PLPPR5: variants seen among roughly 807,000 people sequenced by gnomAD.
PLPPR5 encodes the protein phospholipid phosphatase-related protein type 5.
In PLPPR5, 16 loss-of-function variants were observed where a neutral mutation model predicts 33.9. The observed-to-expected ratio is 0.47, with a 90% confidence interval of 0.32 to 0.72. The LOEUF (loss-of-function observed/expected upper bound fraction) is 0.72, where lower values mean the gene tolerates loss of function less well. PLPPR5 is among the 30% of genes least tolerant of loss of function. The pLI, the probability that PLPPR5 is intolerant of heterozygous loss-of-function variation, is 0.03. For missense variants in PLPPR5, 301 were observed against 406.7 expected (o/e 0.74, Z 2.23); for synonymous variants, 163 against 150.3 (o/e 1.08, Z -0.62).
At chr1:98,953,355 TTGTGTGTGTGTGTG>T (rs58092870) in intron 2 of PLPPR5, 35 bp from the exon 3 acceptor site, 3,373 of 1,368,884 alleles carry the variant, frequency 2.5e-3, no homozygotes, top group East Asian at 0.01. Context: ...AACTTCTTGC[TTGTGTGTGTGTGTG>T]TGTGTGTGTG....
chr1:98,964,540 G>A (rs1651364538), intron 1 of PLPPR5, among the ~76,000 whole-genome samples: 1 of 152,182 alleles, frequency 6.6e-6, no homozygotes, highest in Non-Finnish European at 1.5e-5. Context: ...GGCTGGCACA[G>A]TAAGTGCAGA....
chr1:98,957,339 T>TA (rs368622086), intron 1 of PLPPR5, among the ~76,000 whole-genome samples: 1 of 149,452 alleles, frequency 6.7e-6, no homozygotes, highest in African/African-American at 2.5e-5. Context: ...AGTATAATAA[T>TA]AATAAATAAA....
At chr1:98,921,023 T>C (rs886574586) in intron 4 of PLPPR5, among the ~76,000 whole-genome samples, 3 of 152,144 alleles carry the variant, frequency 2.0e-5, no homozygotes, top group Non-Finnish European at 4.4e-5. Flanking sequence ...AAGAGTATAA[T>C]CAGATTTTAT....
At chr1:98,899,179 G>A (rs1203761043) in intron 5 of PLPPR5, among the ~76,000 whole-genome samples, 1 of 152,138 alleles carries the variant, frequency 6.6e-6, no homozygotes, top group African/African-American at 2.4e-5. Context: ...GTAATGTAGA[G>A]CCAATATTGA....
Position 98,962,625 on chromosome 1 carries a change from C to T in PLPPR5, c.238-5884G>A, listed in dbSNP as rs571817200. Among the ~76,000 whole-genome samples the T allele has an allele frequency of 2.0e-5, 3 of 152,062 alleles. No individual in the cohort carries two copies. The South Asian group carries it at 6.2e-4, about 32-fold the overall frequency. ...TACTGTCAGATTGGTTTATTGAAAG[C>T]AAATTTTGTATAATCCAAATTTTCT... On this transcript the variant is annotated intron_variant, in intron 1 of 5. Transcript: ENST00000263177.
intron 1 of PLPPR5, among the ~76,000 whole-genome samples, chr1:98,961,785 A>T (rs893730600): frequency 6.6e-6 from 1 of 152,126 alleles, no homozygotes; most frequent in African/African-American, 2.4e-5. Flanking sequence ...GGCTCTCGTC[A>T]GTGAGTTACA....
intron 1 of PLPPR5, among the ~76,000 whole-genome samples, chr1:98,969,374 A>G (rs1183639744): frequency 1.3e-5 from 2 of 152,060 alleles, no homozygotes; most frequent in Non-Finnish European, 2.9e-5. Flanking sequence ...GAAGAGAGGG[A>G]AGTTTAAAAT....
chr1:99,000,708 C>A (rs1652807573), intron 1 of PLPPR5, among the ~76,000 whole-genome samples: 1 of 152,166 alleles, frequency 6.6e-6, no homozygotes, highest in South Asian at 2.1e-4. Flanking sequence ...TCTTCTGAAC[C>A]ACTAGAGGTC....
chr1:98,938,990 G>A (rs144410393), intron 3 of PLPPR5, among the ~76,000 whole-genome samples: 303 of 152,204 alleles, frequency 2.0e-3, no homozygotes, highest in Admixed American at 6.5e-3. Flanking sequence ...GAGGGTGGGA[G>A]GAGAGAGAAG....
At chr1:98,993,052 A>C (rs1216225310) in intron 1 of PLPPR5, among the ~76,000 whole-genome samples, 3 of 152,130 alleles carry the variant, frequency 2.0e-5, no homozygotes, top group Non-Finnish European at 4.4e-5. Flanking sequence ...TGTAAGCACT[A>C]TGTTAGTTAA....
At chr1:98,990,496 T>C (rs1167980470) in intron 1 of PLPPR5, among the ~76,000 whole-genome samples, 1 of 152,210 alleles carries the variant, frequency 6.6e-6, no homozygotes, top group Non-Finnish European at 1.5e-5. Flanking sequence ...GATATAGGAA[T>C]GTGAAATAGT....
At chr1:98,998,285 C>T (rs993998439) in intron 1 of PLPPR5, among the ~76,000 whole-genome samples, 3 of 152,106 alleles carry the variant, frequency 2.0e-5, no homozygotes, top group Non-Finnish European at 4.4e-5. Context: ...AGTACCTCCA[C>T]CTCTCCATAT....
At chr1:98,950,005 A>G (rs1650716933) in intron 3 of PLPPR5, among the ~76,000 whole-genome samples, 1 of 152,342 alleles carries the variant, frequency 6.6e-6, no homozygotes, top group South Asian at 2.1e-4. Context: ...TGAATCTACC[A>G]TCTGCACCCT....
In PLPPR5 at chr1:98,975,955, T is replaced by C. The variant is rs190351365; in HGVS notation, c.238-19214A>G. On this transcript the variant is annotated intron_variant, in intron 1 of 5. Transcript: ENST00000263177. ...AGCAAGCTGCCTGGCATGTAATATATATATACTAAGAGTTTATTAATGAAT... is the reference window on the plus strand; with the variant it reads ...AGCAAGCTGCCTGGCATGTAATATACATATACTAAGAGTTTATTAATGAAT... Among the ~76,000 whole-genome samples, 8 of 152,004 alleles carry C rather than the reference T, an allele frequency of 5.3e-5. No individual in the cohort carries two copies. The East Asian group carries it at 1.2e-3, about 22-fold the overall frequency.
chr1:98,941,585 G>C (rs917986108), intron 3 of PLPPR5, among the ~76,000 whole-genome samples: 6 of 151,116 alleles, frequency 4.0e-5, no homozygotes, highest in Non-Finnish European at 5.9e-5. Context: ...GGAAGTTTTA[G>C]AATGTCCAAG....
chr1:98,950,651 G>A (rs2101208028), intron 3 of PLPPR5, among the ~76,000 whole-genome samples: 1 of 152,256 alleles, frequency 6.6e-6, no homozygotes, highest in East Asian at 1.9e-4. Context: ...TGGTTACACA[G>A]CAAAATCTAA....
rs542789862 is a variant in PLPPR5 at position 98,982,649 on chromosome 1, A to G, written c.237+21786T>C. On this transcript the variant is annotated intron_variant, in intron 1 of 5. Transcript: ENST00000263177. The stretch of plus-strand genomic sequence containing the variant: ...TAAAGTGTTGCCAGATTCCAGAATC[A>G]CAAGTAAAAGCCAATTAAGATCTTT... 2.0e-5 allele frequency among the ~76,000 whole-genome samples: 3 copies of G among 152,234 alleles called. No individual in the cohort carries two copies. In the South Asian group the frequency reaches 6.2e-4, roughly 32 times the overall value.
intron 3 of PLPPR5, among the ~76,000 whole-genome samples, chr1:98,931,505 C>T (rs1208120942): frequency 6.6e-6 from 1 of 152,144 alleles, no homozygotes; most frequent in East Asian, 1.9e-4. Context: ...AGTTACAGAG[C>T]CCATGCTCTA....
chr1:98,984,651 A>T (rs778701726), intron 1 of PLPPR5, among the ~76,000 whole-genome samples: 8 of 152,090 alleles, frequency 5.3e-5, no homozygotes, highest in Non-Finnish European at 1.2e-4. Flanking sequence ...TGCAAAGGTG[A>T]ATAAAAATCT....
Sources: allele counts gnomAD v4.1 joint callset (sites outside exome capture counted in the v4.1 genomes callset), GRCh38; gene constraint gnomAD v4.1.1; transcripts MANE v1.5; gene names NCBI Gene and HGNC (gene_info 2026-07-23, HGNC 2026-07-21).